RALGPS1: variants seen among roughly 807,000 people sequenced by gnomAD.
RALGPS1 encodes the protein ras-specific guanine nucleotide-releasing factor RalGPS1.
Under a neutral mutation model 78.8 loss-of-function variants are expected in RALGPS1, and 19 were observed. The observed-to-expected ratio is 0.24, with a 90% confidence interval of 0.17 to 0.35. RALGPS1 has a LOEUF of 0.35. Ranked by LOEUF, RALGPS1 falls within the 10% of genes least tolerant of loss-of-function variation. RALGPS1 has a pLI of 1.00. For missense variants in RALGPS1, 454 were observed against 688.3 expected (o/e 0.66, Z 3.81); for synonymous variants, 228 against 256.3 (o/e 0.89, Z 1.06).
Position 126,951,579 on chromosome 9 carries a change from C to T in RALGPS1, c.-65-10646C>T, listed in dbSNP as rs1220478298. Among the ~76,000 whole-genome samples the T allele has an allele frequency of 5.3e-5, 8 of 151,106 alleles. No individual in the cohort carries two copies. The South Asian group carries it at 1.5e-3, about 28-fold the overall frequency. On this transcript the variant is annotated intron_variant, in intron 1 of 18. Coordinates refer to ENST00000259351, the MANE Select transcript of RALGPS1 (RefSeq NM_014636.3). The stretch of plus-strand genomic sequence containing the variant: ...CCAAAGACAAAAACCACATGATTAT[C>T]TCAATAGATGCAGAAAAGGCCTTTG...
intron 8 of RALGPS1, among the ~76,000 whole-genome samples, chr9:127,157,892 T>C (rs2058792578): frequency 6.6e-6 from 1 of 152,172 alleles, no homozygotes; most frequent in Non-Finnish European, 1.5e-5. Flanking sequence ...TCTTGATTTG[T>C]TCCTATTTAA....
intron 14 of RALGPS1, among the ~76,000 whole-genome samples, chr9:127,201,011 T>C (rs2061603324): frequency 6.6e-6 from 1 of 152,240 alleles, no homozygotes; most frequent in Non-Finnish European, 1.5e-5. Flanking sequence ...CACGAGTTAC[T>C]GAAGGTGTAG....
chr9:127,046,913 CAAAA>C (rs1041572644), intron 5 of RALGPS1, among the ~76,000 whole-genome samples: 1 of 150,194 alleles, frequency 6.7e-6, no homozygotes, highest in Non-Finnish European at 1.5e-5. Flanking sequence ...AACAAACAAA[CAAAA>C]AACACCTGAA....
intron 11 of RALGPS1, among the ~76,000 whole-genome samples, chr9:127,182,388 C>CCCTCCCTT (rs2060312106): frequency 2.4e-5 from 1 of 40,876 alleles, no homozygotes; most frequent in African/African-American, 9.8e-5. Context: ...CTCCCTCCCT[C>CCCTCCCTT]CCTCCCTCCC....
rs1408539836 is a variant in RALGPS1, at chr9:126,949,663, T to C, written c.-65-12562T>C. 5.6e-5 allele frequency among the ~76,000 whole-genome samples: 7 copies of C among 125,888 alleles called. No individual in the cohort carries two copies. The East Asian group carries it at 1.5e-3, about 27-fold the overall frequency. 82.6% of individuals were successfully genotyped at this position (125,888 alleles called of 152,430 possible). A position where few individuals can be genotyped will look rare whatever the true frequency, so the allele number is the denominator to read the frequency against. ...TTGCCCACTTTTTGATGGGGTTGTT[T>C]GTTTTTTTCGTGTAAATTTGTCTGA... is the stretch of plus-strand genomic sequence containing the variant. On this transcript the variant is annotated intron_variant, in intron 1 of 18. Coordinates refer to ENST00000259351, the MANE Select transcript of RALGPS1 (RefSeq NM_014636.3).
intron 10 of RALGPS1, among the ~76,000 whole-genome samples, chr9:127,172,189 C>G (rs1451951832): frequency 6.6e-6 from 1 of 152,224 alleles, no homozygotes; most frequent in Non-Finnish European, 1.5e-5. Flanking sequence ...CCCTGCATTC[C>G]CTCAGAGAAA....
chr9:127,213,494 C>T (rs2062401044), intron 17 of RALGPS1, among the ~76,000 whole-genome samples: 1 of 152,216 alleles, frequency 6.6e-6, no homozygotes, highest in Non-Finnish European at 1.5e-5. Context: ...CCCAAAGCTC[C>T]AGCCTTCTCT....
chr9:126,941,922 A>G (rs2036830744), intron 1 of RALGPS1, among the ~76,000 whole-genome samples: 1 of 152,170 alleles, frequency 6.6e-6, no homozygotes, highest in African/African-American at 2.4e-5. Context: ...CTGGTTATCT[A>G]TTTGATGATT....
At chr9:127,208,012 T>C (rs1055736615) in intron 14 of RALGPS1, among the ~76,000 whole-genome samples, 1 of 152,226 alleles carries the variant, frequency 6.6e-6, no homozygotes, top group South Asian at 2.1e-4. Flanking sequence ...CTTCACCTCC[T>C]TGAGCCTCAG....
chr9:127,121,464 C>A (rs1372865203), intron 8 of RALGPS1, among the ~76,000 whole-genome samples: 1 of 152,226 alleles, frequency 6.6e-6, no homozygotes, highest in Non-Finnish European at 1.5e-5. Context: ...AGATGCTTTT[C>A]CAAGTAACTG....
intron 8 of RALGPS1, among the ~76,000 whole-genome samples, chr9:127,127,052 G>A (rs966108685): frequency 2.0e-5 from 3 of 152,176 alleles, no homozygotes; most frequent in African/African-American, 7.2e-5. Context: ...CTCTCTACTT[G>A]TATACAGTTT....
chr9:127,062,799 C>A (rs1035202328), intron 7 of RALGPS1, among the ~76,000 whole-genome samples: 2 of 152,172 alleles, frequency 1.3e-5, no homozygotes, highest in African/African-American at 2.4e-5. Flanking sequence ...GTGTTACATG[C>A]GATAGTCTCC....
At chr9:126,996,063 G>C (rs2042720591) in intron 4 of RALGPS1, among the ~76,000 whole-genome samples, 2 of 151,934 alleles carry the variant, frequency 1.3e-5, no homozygotes, top group South Asian at 2.1e-4. Context: ...GCACTGAATG[G>C]CCACAAGAGA....
At chr9:126,921,951 A>G (rs986008424) in intron 1 of RALGPS1, among the ~76,000 whole-genome samples, 2 of 152,336 alleles carry the variant, frequency 1.3e-5, no homozygotes, top group African/African-American at 2.4e-5. Context: ...GAGTTACTGC[A>G]CAAGCAATGT....
intron 1 of RALGPS1, among the ~76,000 whole-genome samples, chr9:126,922,232 T>TA (rs1281833987): frequency 2.0e-5 from 3 of 152,252 alleles, no homozygotes; most frequent in Non-Finnish European, 4.4e-5. Flanking sequence ...TACAACATGA[T>TA]ACTTTCCCTC....
At chr9:126,934,484 G>A (rs1314843636) in intron 1 of RALGPS1, among the ~76,000 whole-genome samples, 2 of 152,186 alleles carry the variant, frequency 1.3e-5, no homozygotes, top group Admixed American at 6.5e-5. Context: ...CAGGGGAGCC[G>A]GGTGGTGCTG....
In RALGPS1 at chr9:126,953,425, A is replaced by C. The variant is rs968855978; in HGVS notation, c.-65-8800A>C. Among the ~76,000 whole-genome samples the C allele has an allele frequency of 4.6e-5, 7 of 151,974 alleles. 1 individual carries two copies. The highest frequency in any genetic ancestry group is 1.0e-4 in the Non-Finnish European group (7 of 68,004). On this transcript the variant is annotated intron_variant, in intron 1 of 18. Coordinates refer to ENST00000259351, the MANE Select transcript of RALGPS1 (RefSeq NM_014636.3). ...TGTATGTGTAAGGTGAGAGAGGCAG[A>C]AGGAGGGTGGAAAGAATGGCGTTTT...
chr9:126,919,616 G>C (rs2034545720), intron 1 of RALGPS1, among the ~76,000 whole-genome samples: 2 of 152,168 alleles, frequency 1.3e-5, no homozygotes, highest in Non-Finnish European at 2.9e-5. Flanking sequence ...GGGGGTTTTT[G>C]TGCGGAGGAA....
chr9:126,998,179 T>C (rs1384903886), intron 4 of RALGPS1, among the ~76,000 whole-genome samples: 2 of 151,986 alleles, frequency 1.3e-5, no homozygotes, highest in Non-Finnish European at 2.9e-5. Flanking sequence ...TGGGATCTAA[T>C]TAAACTAAAG....
Sources: gnomAD v4.1 joint callset for allele counts (sites outside exome capture counted in the v4.1 genomes callset) on GRCh38, gnomAD v4.1.1 for gene constraint, MANE v1.5 for transcripts, NCBI Gene and HGNC (gene_info 2026-07-23, HGNC 2026-07-21) for gene names.